The following PREP variants were observed in gnomAD, a reference collection of about 807,000 sequenced individuals.
PREP encodes dJ355L5.1 (prolyl endopeptidase).
Under a neutral mutation model 87.6 loss-of-function variants are expected in PREP, and 29 were observed. The ratio of observed to expected loss-of-function variants is 0.33; its 90% CI spans 0.25 to 0.45. The LOEUF (loss-of-function observed/expected upper bound fraction) is 0.45. Among genes scored for constraint, PREP ranks in the 20% least tolerant of loss-of-function variants. PREP has a pLI of 1.00. For synonymous variants in PREP, 337 were observed against 328.6 expected (o/e 1.03, Z -0.28); for missense variants, 695 against 886.5 (o/e 0.78, Z 2.74).
intron 2 of PREP, among the ~76,000 whole-genome samples, chr6:105,385,595 A>C (rs1261346115): frequency 6.6e-6 from 1 of 152,210 alleles, no homozygotes; most frequent in Non-Finnish European, 1.5e-5. Flanking sequence ...AATTGCAATA[A>C]AAGAACTTGT....
At chr6:105,320,801 G>A (rs988471660) in intron 10 of PREP, among the ~76,000 whole-genome samples, 1 of 152,164 alleles carries the variant, frequency 6.6e-6, no homozygotes, top group African/African-American at 2.4e-5. Context: ...AATTGAAAAT[G>A]AAAATAAAAT....
chr6:105,402,827 G>C lies in PREP; in HGVS notation c.45+20C>G, dbSNP rs372009681. ...GCACCTTTGCCCGGGAGCCCTCTGG[G>C]CGGAGGCAGAGATACTTACGGCGGT... On this transcript the variant is annotated intron_variant, in intron 1 of 14. Transcript: ENST00000652536. The C allele has an allele frequency of 6.5e-7, 1 of 1,539,102 alleles. No homozygotes were observed. Among genetic ancestry groups the C allele is most frequent in the African/African-American group, 1.4e-5 (1 of 73,264 alleles).
intron 12 of PREP, 152 bp downstream of exon 12, chr6:105,285,334 G>A (rs1010118873): frequency 6.7e-6 from 4 of 595,790 alleles, no homozygotes; most frequent in Non-Finnish European, 1.2e-5. Context: ...GGGGGGAGTG[G>A]TGCCTGTGTC....
intron 10 of PREP, among the ~76,000 whole-genome samples, chr6:105,289,160 C>T (rs561634949): frequency 4.6e-5 from 7 of 152,116 alleles, no homozygotes; most frequent in East Asian, 3.9e-4. Context: ...CTTCACACAT[C>T]GTTTATCCTC....
intron 9 of PREP, 108 bp downstream of exon 9, chr6:105,328,721 C>T (rs1335881848): frequency 1.1e-5 from 13 of 1,204,506 alleles, no homozygotes; most frequent in Non-Finnish European, 1.5e-5. Flanking sequence ...GGCTATAATA[C>T]AGCATATGTG....
At chr6:105,289,447 T>C (rs9500080) in intron 10 of PREP, among the ~76,000 whole-genome samples, 53,974 of 152,134 alleles carry the variant, frequency 0.35, 12,749 homozygotes, top group African/African-American at 0.68. Context: ...AGCAACAAAA[T>C]TTATTAGCTT....
At chr6:105,287,211 A>G (rs527602003) in intron 11 of PREP, among the ~76,000 whole-genome samples, 2 of 152,224 alleles carry the variant, frequency 1.3e-5, no homozygotes, top group South Asian at 4.2e-4. Flanking sequence ...ATGTGTTAAT[A>G]TTACATATTT....
intron 2 of PREP, among the ~76,000 whole-genome samples, chr6:105,391,007 G>A (rs181745387): frequency 2.7e-5 from 4 of 149,568 alleles, no homozygotes; most frequent in Admixed American, 2.0e-4. Flanking sequence ...AGGAATATAT[G>A]CTGATTTATC....
chr6:105,285,828 T>C (rs916127446), intron 11 of PREP, among the ~76,000 whole-genome samples: 1 of 152,166 alleles, frequency 6.6e-6, no homozygotes, highest in Admixed American at 6.5e-5. Flanking sequence ...CAGGCTGGAG[T>C]GCAGTGACAC....
intron 6 of PREP, among the ~76,000 whole-genome samples, chr6:105,356,832 A>G (rs77520822): frequency 0.06 from 9,200 of 152,286 alleles, 281 homozygotes; most frequent in Middle Eastern, 0.11. Flanking sequence ...GCAAAAATCT[A>G]TCATTATGTC....
chr6:105,308,453 T>A lies in PREP; in HGVS notation c.1317+15212A>T, dbSNP rs918900287. 1.1e-4 allele frequency among the ~76,000 whole-genome samples: 17 copies of A among 152,324 alleles called. No individual in the cohort carries two copies. In the East Asian group the frequency reaches 2.5e-3, roughly 23 times the overall value. On this transcript the variant is annotated intron_variant, in intron 10 of 14. Transcript: ENST00000652536. Reference sequence around the variant, plus strand: ...GCTAGGAAAATAGACAAATTTACTTTGATGCTCTATAAGGGAGGCATAGTA... The same window carrying A: ...GCTAGGAAAATAGACAAATTTACTTAGATGCTCTATAAGGGAGGCATAGTA...
At chr6:105,295,157 CT>C (rs10586996) in intron 10 of PREP, among the ~76,000 whole-genome samples, 92,625 of 132,564 alleles carry the variant, frequency 0.7, 32,414 homozygotes, top group Admixed American at 0.81. Flanking sequence ...CAATGTTTTC[CT>C]TTTTTTTTTT....
At chr6:105,323,432 TGTC>T (rs1771068218) in intron 10 of PREP, among the ~76,000 whole-genome samples, 1 of 152,150 alleles carries the variant, frequency 6.6e-6, no homozygotes, top group Non-Finnish European at 1.5e-5. Context: ...TCCAGCTTCC[TGTC>T]AAGAGTAGCA....
At position 105,275,440 on chromosome 6, in the gene PREP, C is replaced by G. The variant is rs1305933432; in HGVS notation, c.*2704G>C. 6.6e-6 allele frequency among the ~76,000 whole-genome samples: 1 copy of G among 152,152 alleles called. No individual in the cohort carries two copies. The highest frequency in any genetic ancestry group is 1.5e-5 in the Non-Finnish European group (1 of 68,024). The stretch of plus-strand genomic sequence containing the variant: ...ATGTGACTTTATCTTGCTAAGGTAA[C>G]AAATGCTCTGGTGTGCTTAGCAGGG... On this transcript the variant is annotated 3_prime_UTR_variant, in exon 15 of 15. Transcript: ENST00000652536.
rs565135370 is a variant in PREP at position 105,288,847 on chromosome 6, C to T, written c.1365G>A (p.Val455=). The T allele has an allele frequency of 2.5e-6, 4 of 1,613,500 alleles. No individual in the cohort carries two copies. The East Asian group carries it at 6.7e-5, about 27-fold the overall frequency. The change falls in exon 11 of 15, where the codon GTG becomes GTA. Residue 455 remains valine (V), a synonymous_variant. Coordinates refer to ENST00000652536, the MANE Select transcript of PREP (RefSeq NM_002726.5). ...CATCCAATTTTATGCCTTTTTTATG[C>T]ACAATGAACATTGGAATCTTCGTAC... The part of the protein sequence containing the change: ...KDGTKIPMFI[V]HKKGIKLDGS...
intron 1 of PREP, among the ~76,000 whole-genome samples, chr6:105,402,428 A>C (rs942572938): frequency 2.0e-5 from 3 of 150,998 alleles, no homozygotes; most frequent in Non-Finnish European, 4.5e-5. Context: ...TCACACACAC[A>C]CACACACACA....
At chr6:105,332,500 T>A (rs1394113609) in intron 8 of PREP, among the ~76,000 whole-genome samples, 1 of 152,122 alleles carries the variant, frequency 6.6e-6, no homozygotes, top group African/African-American at 2.4e-5. Flanking sequence ...AAAGGGGACT[T>A]TTTTTCCTCA....
At chr6:105,329,148 C>A in intron 8 of PREP, 122 bp from the exon 9 acceptor site, 10 of 909,416 alleles carry the variant, frequency 1.1e-5, no homozygotes, top group South Asian at 3.4e-5. Context: ...TGCAAAGTCA[C>A]TTTTACATTT....
intron 7 of PREP, among the ~76,000 whole-genome samples, chr6:105,346,356 A>G (rs556628953): frequency 1.3e-5 from 2 of 152,352 alleles, no homozygotes; most frequent in East Asian, 3.9e-4. Context: ...TGACCAATCT[A>G]CATGTCTGCT....
Sources: gnomAD v4.1 joint callset for allele counts (sites outside exome capture counted in the v4.1 genomes callset) on GRCh38, gnomAD v4.1.1 for gene constraint, MANE v1.5 for transcripts, NCBI Gene and HGNC (gene_info 2026-07-23, HGNC 2026-07-21) for gene names.